The following PTPRD variants were observed in gnomAD, a reference collection of about 807,000 sequenced individuals.
The protein encoded by PTPRD is receptor-type tyrosine-protein phosphatase delta.
PTPRD carries 34 observed loss-of-function variants against 214.5 expected under a neutral mutation model. The observed-to-expected ratio is 0.16, with a 90% CI of 0.12 to 0.21. PTPRD has a LOEUF of 0.21. Among genes scored for constraint, PTPRD ranks in the 10% least tolerant of loss-of-function variants. The pLI, the probability that PTPRD is intolerant of heterozygous loss-of-function variation, is 1.00. For synonymous variants in PTPRD, 1,128 were observed against 845.7 expected (o/e 1.33, Z -5.79); for missense variants, 2,545 against 2,398.7 (o/e 1.06, Z -1.27).
At chr9:8,687,779 G>A (rs189005693) in intron 12 of PTPRD, among the ~76,000 whole-genome samples, 30 of 151,470 alleles carry the variant, frequency 2.0e-4, no homozygotes, top group Admixed American at 1.8e-3. Flanking sequence ...TTTTCTCAGA[G>A]TAAGTTTCAC....
At chr9:9,362,562 A>G (rs907560650) in intron 9 of PTPRD, among the ~76,000 whole-genome samples, 3 of 151,000 alleles carry the variant, frequency 2.0e-5, no homozygotes, top group Admixed American at 6.6e-5. Context: ...GTATAACTTC[A>G]TTTCTAAAAG....
intron 2 of PTPRD, among the ~76,000 whole-genome samples, chr9:10,556,995 GTGGACAACATTCC>G (rs1193301840): frequency 6.6e-6 from 1 of 152,048 alleles, no homozygotes; most frequent in Non-Finnish European, 1.5e-5. Flanking sequence ...GATATACCAG[GTGGACAACATTCC>G]TGTATGGTTA....
At chr9:9,367,978 T>C (rs552137855) in intron 9 of PTPRD, among the ~76,000 whole-genome samples, 2 of 151,762 alleles carry the variant, frequency 1.3e-5, no homozygotes, top group African/African-American at 4.8e-5. Flanking sequence ...TGACATCGTA[T>C]ATGTTGACGT....
At chr9:10,513,383 G>C (rs1164605262) in intron 2 of PTPRD, among the ~76,000 whole-genome samples, 1 of 152,118 alleles carries the variant, frequency 6.6e-6, no homozygotes, top group African/African-American at 2.4e-5. Flanking sequence ...AAACAATTTG[G>C]ATGTGGTTAA....
chr9:8,493,978 G>GCA (rs1219672728), intron 26 of PTPRD, among the ~76,000 whole-genome samples: 2 of 146,162 alleles, frequency 1.4e-5, no homozygotes, highest in African/African-American at 5.1e-5. Flanking sequence ...AGACACATGC[G>GCA]CACACACACA....
intron 4 of PTPRD, among the ~76,000 whole-genome samples, chr9:10,012,485 A>G (rs1399639187): frequency 6.6e-6 from 1 of 152,030 alleles, no homozygotes; most frequent in East Asian, 1.9e-4. Flanking sequence ...ATTCTCCACA[A>G]TCCTTTCACC....
intron 4 of PTPRD, among the ~76,000 whole-genome samples, chr9:10,015,013 G>T (rs540492389): frequency 1.3e-5 from 2 of 152,220 alleles, no homozygotes; most frequent in Admixed American, 1.3e-4. Flanking sequence ...ATCCACTAGA[G>T]TAGTTCTATT....
At chr9:9,798,146 T>C (rs906018547) in intron 5 of PTPRD, among the ~76,000 whole-genome samples, 1 of 151,982 alleles carries the variant, frequency 6.6e-6, no homozygotes, top group African/African-American at 2.4e-5. Flanking sequence ...TAATCATAAA[T>C]TTTAATAAAT....
chr9:9,231,607 A>T (rs1305087729), intron 9 of PTPRD, among the ~76,000 whole-genome samples: 2 of 152,184 alleles, frequency 1.3e-5, no homozygotes, highest in Non-Finnish European at 2.9e-5. Context: ...ATAATTAGGT[A>T]TATGCCAAAG....
intron 8 of PTPRD, among the ~76,000 whole-genome samples, chr9:9,401,390 A>G (rs2070401526): frequency 6.6e-6 from 1 of 152,016 alleles, no homozygotes; most frequent in South Asian, 2.1e-4. Flanking sequence ...TTTTTCTCAT[A>G]CCAAAACTCC....
At chr9:8,622,662 T>A (rs2095858469) in intron 14 of PTPRD, among the ~76,000 whole-genome samples, 1 of 151,956 alleles carries the variant, frequency 6.6e-6, no homozygotes, top group Non-Finnish European at 1.5e-5. Flanking sequence ...GAGAGCTAGA[T>A]TATCAAATGA....
chr9:10,561,479 T>C (rs192941092), intron 2 of PTPRD, among the ~76,000 whole-genome samples: 1 of 152,256 alleles, frequency 6.6e-6, no homozygotes, highest in Admixed American at 6.5e-5. Flanking sequence ...TTATCATCTT[T>C]ACACCCCTAT....
chr9:10,461,314 G>T (rs1169881328), intron 2 of PTPRD, among the ~76,000 whole-genome samples: 1 of 151,698 alleles, frequency 6.6e-6, no homozygotes, highest in Non-Finnish European at 1.5e-5. Flanking sequence ...AACAGTGTCA[G>T]ATTTCTAATG....
intron 2 of PTPRD, among the ~76,000 whole-genome samples, chr9:10,361,205 AT>A (rs2097382283): frequency 6.6e-6 from 1 of 152,160 alleles, no homozygotes; most frequent in African/African-American, 2.4e-5. Context: ...AAATTTCTAT[AT>A]TGTATGGCTT....
intron 12 of PTPRD, among the ~76,000 whole-genome samples, chr9:8,672,727 G>C (rs1286022063): frequency 6.6e-6 from 1 of 151,904 alleles, no homozygotes; most frequent in Non-Finnish European, 1.5e-5. Flanking sequence ...CAGATGAACA[G>C]ATAAAAATGG....
At chr9:9,371,824 G>A (rs960231607) in intron 9 of PTPRD, among the ~76,000 whole-genome samples, 21 of 151,980 alleles carry the variant, frequency 1.4e-4, no homozygotes, top group East Asian at 3.9e-4. Context: ...CTTTGTTCTC[G>A]TTTGTTTCAA....
At chr9:8,435,429 T>C (rs7853267) in intron 35 of PTPRD, among the ~76,000 whole-genome samples, 81,845 of 151,966 alleles carry the variant, frequency 0.54, 23,242 homozygotes, top group Non-Finnish European at 0.65. Context: ...GGTAACAGGA[T>C]GTGTTAACGA....
intron 5 of PTPRD, among the ~76,000 whole-genome samples, chr9:9,876,048 G>A (rs1459388466): frequency 1.3e-5 from 2 of 152,164 alleles, no homozygotes; most frequent in Admixed American, 6.6e-5. Context: ...AGCAAAGAAG[G>A]AAGGAATAAA....
intron 11 of PTPRD, among the ~76,000 whole-genome samples, chr9:8,901,741 T>C (rs1308226170): frequency 1.3e-5 from 2 of 152,212 alleles, no homozygotes; most frequent in Non-Finnish European, 2.9e-5. Context: ...TGCATCACAT[T>C]ATTCATTGTT....
Sources: gnomAD v4.1 joint callset for allele counts (sites outside exome capture counted in the v4.1 genomes callset) on GRCh38, gnomAD v4.1.1 for gene constraint, MANE v1.5 for transcripts, NCBI Gene and HGNC (gene_info 2026-07-23, HGNC 2026-07-21) for gene names.